PELI2: variants seen among roughly 807,000 people sequenced by gnomAD.
PELI2 encodes the protein E3 ubiquitin-protein ligase pellino homolog 2.
PELI2 carries 23 observed loss-of-function variants against 42.3 expected under a neutral mutation model. That is an observed-to-expected ratio of 0.54 (90% CI 0.39 to 0.77). The LOEUF (loss-of-function observed/expected upper bound fraction) is 0.77, where lower values mean the gene tolerates loss of function less well. Among genes scored for constraint, PELI2 ranks in the 30% least tolerant of loss-of-function variants. The pLI is 0.00. For synonymous variants in PELI2, 245 were observed against 212.2 expected, an observed-to-expected ratio of 1.15 and a Z score of -1.34; for missense variants, 463 against 553.2, an observed-to-expected ratio of 0.84 and a Z score of 1.64.
At chr14:56,154,168 A>G (rs1314669260) in intron 1 of PELI2, among the ~76,000 whole-genome samples, 2 of 152,220 alleles carry the variant, frequency 1.3e-5, no homozygotes, top group African/African-American at 4.8e-5. Context: ...AAAAGTTTCA[A>G]CATGTTTAAG....
At chr14:56,291,433 T>C (rs1889826316) in intron 5 of PELI2, among the ~76,000 whole-genome samples, 1 of 152,242 alleles carries the variant, frequency 6.6e-6, no homozygotes, top group Non-Finnish European at 1.5e-5. Flanking sequence ...TTTTTATTTC[T>C]ATTTTACACC....
Position 56,288,499 on chromosome 14 carries a change from G to C in PELI2, c.372G>C (p.Gln124His), listed in dbSNP as rs760805130. The C allele has an allele frequency of 1.2e-6, 2 of 1,614,140 alleles. No individual in the cohort carries two copies. The highest frequency in any genetic ancestry group is 3.3e-5 in the Admixed American group (2 of 60,032). The change falls in exon 4 of 6, where the codon CAG becomes CAC. Residue 124 changes from glutamine (Q) to histidine (H), a missense_variant. This residue lies in a region of PELI2 where 343 missense variants were observed against 378.4 expected (regional missense o/e 0.91). Transcript: ENST00000267460. This position sits in a 1 kb window ranked among gnomAD's most constrained non-coding sequence, Gnocchi z 4.6. The stretch of plus-strand genomic sequence containing the variant: ...TCACAGACACGATTTCTGGCAGCCA[G>C]AACACGGACGAAGCCCAGATCACAC... ...FVVTDTISGS[Q>H]NTDEAQITQS...
chr14:56,207,585 A>C (rs1341795727), intron 2 of PELI2, among the ~76,000 whole-genome samples: 1 of 152,232 alleles, frequency 6.6e-6, no homozygotes, highest in African/African-American at 2.4e-5. Context: ...AGACTTACAT[A>C]GTGTGGATAA....
At chr14:56,140,943 A>G (rs1285915584) in intron 1 of PELI2, among the ~76,000 whole-genome samples, 1 of 152,162 alleles carries the variant, frequency 6.6e-6, no homozygotes, top group Admixed American at 6.5e-5. Context: ...CTGACATAGC[A>G]GCTGAACATT....
At chr14:56,192,339 A>C (rs998804622) in intron 2 of PELI2, among the ~76,000 whole-genome samples, 6 of 152,200 alleles carry the variant, frequency 3.9e-5, no homozygotes, top group African/African-American at 1.4e-4. Flanking sequence ...AAAGGAGGGA[A>C]ACATGAAAAG....
At chr14:56,271,217 C>T (rs1228538508) in intron 2 of PELI2, among the ~76,000 whole-genome samples, 4 of 152,142 alleles carry the variant, frequency 2.6e-5, no homozygotes, top group Non-Finnish European at 2.9e-5. Flanking sequence ...TCCAGGCTGC[C>T]GCACGCTCGC....
chr14:56,184,859 T>A (rs1290322926), intron 2 of PELI2, among the ~76,000 whole-genome samples: 1 of 152,092 alleles, frequency 6.6e-6, no homozygotes, highest in African/African-American at 2.4e-5. Flanking sequence ...ATTGCTTAGC[T>A]TGTGACAGAT....
intron 1 of PELI2, chr14:56,119,112 T>C (rs983301632): frequency 1.3e-5 from 2 of 152,380 alleles, no homozygotes; most frequent in East Asian, 3.9e-4. Flanking sequence ...GGACTCCATG[T>C]GAGGCGCCGC....
At chr14:56,278,707 A>T (rs188787325) in intron 2 of PELI2, among the ~76,000 whole-genome samples, 8 of 152,336 alleles carry the variant, frequency 5.3e-5, no homozygotes, top group Admixed American at 5.2e-4. Flanking sequence ...ATAAATGTTT[A>T]GTACATTTTC....
intron 2 of PELI2, among the ~76,000 whole-genome samples, chr14:56,218,223 C>T (rs1334784769): frequency 1.3e-5 from 2 of 152,204 alleles, no homozygotes; most frequent in African/African-American, 4.8e-5. Context: ...TGGCACATCT[C>T]CCTTCAAATA....
Position 56,290,362 on chromosome 14 carries a change from A to G in PELI2, c.602A>G (p.Glu201Gly). The change falls in exon 5 of 6, where the codon GAG (glutamate) becomes GGG (glycine). Residue 201 changes from glutamate to glycine, a missense_variant. Glu to Gly is a moderately conservative substitution (Grantham distance 98). Around this residue, in one of 3 missense-constraint regions of PELI2, gnomAD observed 343 missense variants for 378.4 expected, o/e 0.91. Coordinates refer to ENST00000267460, the MANE Select transcript of PELI2 (RefSeq NM_021255.3). ...ATGCATCCACGAGGGGGCTTCACCG[A>G]GGAGTCCCAGCCCGGGGTCTGGCGC... ...LVMHPRGGFT[E>G]ESQPGVWREI... 1.9e-6 allele frequency: 3 copies of G among 1,613,854 alleles called. No homozygotes were observed. The highest frequency in any genetic ancestry group is 2.5e-6 in the Non-Finnish European group (3 of 1,179,766).
At chr14:56,194,598 T>C (rs1036194807) in intron 2 of PELI2, among the ~76,000 whole-genome samples, 3 of 152,196 alleles carry the variant, frequency 2.0e-5, no homozygotes, top group African/African-American at 7.2e-5. Flanking sequence ...AAGTGCTAAA[T>C]ATACTTTGAA....
At position 56,288,113 on chromosome 14, in the gene PELI2, G is replaced by C. The variant is rs1005508905; in HGVS notation, c.310-324G>C. 1.3e-5 allele frequency among the ~76,000 whole-genome samples: 2 copies of C among 152,196 alleles called. No individual in the cohort carries two copies. Among genetic ancestry groups the C allele is most frequent in the Non-Finnish European group, 2.9e-5 (2 of 68,040 alleles). ...AAAGTGAGTTAAGCAAGATGAGTAA[G>C]TTCTAGAGAGTTGCTGTGCACCGTT... On this transcript the variant is annotated intron_variant, in intron 3 of 5. Coordinates refer to ENST00000267460, the MANE Select transcript of PELI2 (RefSeq NM_021255.3). The surrounding 1 kb of genome is among the most constrained non-coding windows in gnomAD (Gnocchi z 4.6).
At chr14:56,275,066 GTTCA>G (rs35868839) in intron 2 of PELI2, among the ~76,000 whole-genome samples, 137,924 of 151,018 alleles carry the variant, frequency 0.91, 63,232 homozygotes, top group African/African-American at 0.96. Flanking sequence ...CAGTTCATTC[GTTCA>G]TTCATTCATT....
intron 2 of PELI2, among the ~76,000 whole-genome samples, chr14:56,189,594 G>A (rs1885888601): frequency 6.6e-6 from 1 of 152,170 alleles, no homozygotes; most frequent in African/African-American, 2.4e-5. Flanking sequence ...GGTAGCAGTT[G>A]ATTAATGTTA....
intron 2 of PELI2, among the ~76,000 whole-genome samples, chr14:56,204,326 G>A (rs1310565409): frequency 1.3e-5 from 2 of 152,150 alleles, no homozygotes; most frequent in Non-Finnish European, 2.9e-5. Context: ...AGCTTAGAGC[G>A]ATATTCATAT....
intron 1 of PELI2, among the ~76,000 whole-genome samples, chr14:56,138,508 C>T (rs1883768259): frequency 6.6e-6 from 1 of 151,798 alleles, no homozygotes; most frequent in African/African-American, 2.4e-5. Context: ...TTATGTTCTA[C>T]AGTATCTACC....
At chr14:56,127,268 A>G (rs911387632) in intron 1 of PELI2, among the ~76,000 whole-genome samples, 4 of 152,306 alleles carry the variant, frequency 2.6e-5, no homozygotes, top group Middle Eastern at 3.4e-3. Context: ...CATGACACAG[A>G]TTTTCAAGCT....
At chr14:56,207,338 A>G (rs1332426505) in intron 2 of PELI2, among the ~76,000 whole-genome samples, 1 of 152,164 alleles carries the variant, frequency 6.6e-6, no homozygotes, top group Non-Finnish European at 1.5e-5. Context: ...AATTTTATAT[A>G]TATTATTTAA....
Sources: gnomAD v4.1 joint callset for allele counts (sites outside exome capture counted in the v4.1 genomes callset) on GRCh38, gnomAD v4.1.1 for gene constraint, gnomAD v4.1.1 regional missense constraint, Gnocchi (gnomAD v3.1) non-coding constraint, MANE v1.5 for transcripts, NCBI Gene and HGNC (gene_info 2026-07-23, HGNC 2026-07-21) for gene names.